Variants in NALF1 observed in about 807,000 individuals in gnomAD.
NALF1 encodes NALCN channel auxiliary factor 1.
In NALF1, 3 loss-of-function variants were observed where a neutral mutation model predicts 48.4. The ratio of observed to expected loss-of-function variants is 0.06; its 90% CI spans 0.03 to 0.16. The LOEUF (loss-of-function observed/expected upper bound fraction) is 0.16, where lower values mean the gene tolerates loss of function less well. NALF1 is among the 10% of genes least tolerant of loss of function. The pLI, the probability that NALF1 is intolerant of heterozygous loss-of-function variation, is 1.00. For missense variants in NALF1, 526 were observed against 571.5 expected (o/e 0.92, Z 0.81); for synonymous variants, 262 against 245.7 (o/e 1.07, Z -0.62).
At chr13:107,449,762 G>A (rs1884710051) in intron 1 of NALF1, among the ~76,000 whole-genome samples, 1 of 152,128 alleles carries the variant, frequency 6.6e-6, no homozygotes, top group Admixed American at 6.5e-5. Context: ...TGTGTTGGAG[G>A]CTATTCTCGG....
chr13:107,233,724 A>G (rs74114005), intron 1 of NALF1, among the ~76,000 whole-genome samples: 1,891 of 152,318 alleles, frequency 0.012, 50 homozygotes, highest in African/African-American at 0.043. Context: ...CAGAGCAACA[A>G]TCAATACTGT....
At chr13:107,339,839 C>T (rs958106268) in intron 1 of NALF1, among the ~76,000 whole-genome samples, 28 of 152,078 alleles carry the variant, frequency 1.8e-4, no homozygotes, top group Admixed American at 1.2e-3. Context: ...ATTGTGTTTC[C>T]GACCTTGACA....
chr13:107,586,263 G>C (rs1034462716), intron 1 of NALF1, among the ~76,000 whole-genome samples: 10 of 151,938 alleles, frequency 6.6e-5, no homozygotes, highest in African/African-American at 2.4e-4. Context: ...TTACAAAGTG[G>C]GGCAATACCA....
intron 1 of NALF1, among the ~76,000 whole-genome samples, chr13:107,355,798 C>T (rs1172555947): frequency 6.6e-6 from 1 of 152,094 alleles, no homozygotes; most frequent in Non-Finnish European, 1.5e-5. Flanking sequence ...TACCCAGTCT[C>T]AGGTAGTTTT....
rs1030353488 is a variant in NALF1 at position 107,408,181 on chromosome 13, C to T, written c.916-197426G>A. The stretch of plus-strand genomic sequence containing the variant: ...GAGTACAAAAAATAGTTAAAAATAA[C>T]GAATAAGAACTAGTATTTGCTAACG... On this transcript the variant is annotated intron_variant, in intron 1 of 2. Coordinates refer to ENST00000375915, the MANE Select transcript of NALF1 (RefSeq NM_001080396.3). 7.9e-5 allele frequency among the ~76,000 whole-genome samples: 12 copies of T among 151,746 alleles called. No homozygotes were observed. In the East Asian group the frequency reaches 1.6e-3, roughly 20 times the overall value.
chr13:107,537,049 G>C (rs1419687218), intron 1 of NALF1, among the ~76,000 whole-genome samples: 4 of 152,110 alleles, frequency 2.6e-5, no homozygotes, highest in Middle Eastern at 3.2e-3. Context: ...TTGGACACAG[G>C]GCGGGGAACA....
In NALF1 at chr13:107,408,078, T is replaced by C. The variant is rs1048335071; in HGVS notation, c.916-197323A>G. 3.9e-5 allele frequency among the ~76,000 whole-genome samples: 6 copies of C among 152,006 alleles called. No homozygotes were observed. In the East Asian group the frequency reaches 9.6e-4, roughly 24 times the overall value. The stretch of plus-strand genomic sequence containing the variant: ...AATAAAATAATTGAACTCATGGAGA[T>C]AGACGGTAGAAAGATGGTTACCAGA... On this transcript the variant is annotated intron_variant, in intron 1 of 2. Coordinates refer to ENST00000375915, the MANE Select transcript of NALF1 (RefSeq NM_001080396.3).
At chr13:107,710,739 T>A (rs1256146185) in intron 1 of NALF1, among the ~76,000 whole-genome samples, 2 of 149,698 alleles carry the variant, frequency 1.3e-5, no homozygotes, top group Non-Finnish European at 3.0e-5. Context: ...TTTATATATA[T>A]ACATATCATA....
chr13:107,517,433 A>G (rs1876093218), intron 1 of NALF1, among the ~76,000 whole-genome samples: 1 of 151,436 alleles, frequency 6.6e-6, no homozygotes, highest in Non-Finnish European at 1.5e-5. Context: ...GATCGAGACC[A>G]TCCTGGCTAA....
chr13:107,816,948 T>C, intron 1 of NALF1, among the ~76,000 whole-genome samples: 1 of 152,214 alleles, frequency 6.6e-6, no homozygotes, highest in East Asian at 1.9e-4. Context: ...ATTTCACCTT[T>C]TCCTTTTTAT....
intron 1 of NALF1, among the ~76,000 whole-genome samples, chr13:107,520,970 C>T (rs1425100008): frequency 6.6e-6 from 1 of 152,136 alleles, no homozygotes; most frequent in East Asian, 1.9e-4. Flanking sequence ...GTGATCTATG[C>T]TTTACACTGT....
rs1881342489 is a variant in NALF1, at chr13:107,682,998, C to CA, written c.915+182683dup. Among the ~76,000 whole-genome samples, 3 of 152,278 alleles carry CA rather than the reference C, an allele frequency of 2.0e-5. No homozygotes were observed. In the South Asian group the frequency reaches 6.2e-4, roughly 32 times the overall value. On this transcript the variant is annotated intron_variant, in intron 1 of 2. Coordinates refer to ENST00000375915, the MANE Select transcript of NALF1 (RefSeq NM_001080396.3). Reference sequence around the variant, plus strand: ...AAAATGGGAAGTGGGCATGGTAGTTCACACCTGTAATCCCAGCACTTTGGG... The same window carrying CA: ...AAAATGGGAAGTGGGCATGGTAGTTCAACACCTGTAATCCCAGCACTTTGGG...
intron 1 of NALF1, among the ~76,000 whole-genome samples, chr13:107,270,443 T>G (rs1040900084): frequency 6.6e-6 from 1 of 152,092 alleles, no homozygotes; most frequent in Non-Finnish European, 1.5e-5. Flanking sequence ...AGTACTAATA[T>G]GAAGTTAATA....
intron 1 of NALF1, among the ~76,000 whole-genome samples, chr13:107,243,570 G>T (rs1880520204): frequency 6.6e-6 from 1 of 152,280 alleles, no homozygotes; most frequent in South Asian, 2.1e-4. Flanking sequence ...AGAATTCTTG[G>T]AACATGGTAG....
At chr13:107,640,634 G>A (rs1003869814) in intron 1 of NALF1, among the ~76,000 whole-genome samples, 4 of 151,892 alleles carry the variant, frequency 2.6e-5, no homozygotes, top group Non-Finnish European at 4.4e-5. Context: ...ATCAGCCAGG[G>A]GACAATATTT....
chr13:107,674,451 G>A (rs1400246242), intron 1 of NALF1, among the ~76,000 whole-genome samples: 1 of 152,170 alleles, frequency 6.6e-6, no homozygotes, highest in Non-Finnish European at 1.5e-5. Context: ...TGACTATAAG[G>A]TTTTGTTCAT....
chr13:107,300,965 T>C (rs566840007), intron 1 of NALF1, among the ~76,000 whole-genome samples: 79 of 152,352 alleles, frequency 5.2e-4, no homozygotes, highest in African/African-American at 1.9e-3. Context: ...ATCTTTCTTA[T>C]GCATTCTTAA....
At chr13:107,556,907 G>A (rs2138389940) in intron 1 of NALF1, among the ~76,000 whole-genome samples, 1 of 152,290 alleles carries the variant, frequency 6.6e-6, no homozygotes, top group African/African-American at 2.4e-5. Context: ...GGAGGAAGAG[G>A]AGATGAGAAA....
chr13:107,457,251 C>A (rs1236244112), intron 1 of NALF1, among the ~76,000 whole-genome samples: 1 of 152,114 alleles, frequency 6.6e-6, no homozygotes, highest in Non-Finnish European at 1.5e-5. Context: ...GACAATGACA[C>A]ATTAAATATA....
Sources: allele counts gnomAD v4.1 joint callset (sites outside exome capture counted in the v4.1 genomes callset), GRCh38; gene constraint gnomAD v4.1.1; transcripts MANE v1.5; gene names NCBI Gene and HGNC (gene_info 2026-07-23, HGNC 2026-07-21).